The following ZNF516 variants were observed in gnomAD, a reference collection of about 807,000 sequenced individuals.
The protein encoded by ZNF516 is zinc finger protein 516.
A neutral mutation model predicts 79.7 loss-of-function variants in ZNF516; 19 were observed. The ratio of observed to expected loss-of-function variants is 0.24; its 90% CI spans 0.17 to 0.35. The LOEUF (loss-of-function observed/expected upper bound fraction) is 0.35. Among genes scored for constraint, ZNF516 ranks in the 10% least tolerant of loss-of-function variants. The probability of loss-of-function intolerance (pLI) is 1.00; values close to 1 mark genes in which losing one functional copy is unlikely to be tolerated. For missense variants in ZNF516, 1,678 were observed against 1,679.5 expected (o/e 1.00, Z 0.02); for synonymous variants, 877 against 739.5 (o/e 1.19, Z -3.02).
chr18:76,380,384 C>A (rs2074872093), intron 3 of ZNF516, 81 bp from the exon 4 acceptor site: 3 of 1,524,156 alleles, frequency 2.0e-6, no homozygotes, highest in East Asian at 4.6e-5. Context: ...ACAGCTACAG[C>A]ATGTTCCAAG....
At chr18:76,363,022 C>T (rs1286121139) in intron 6 of ZNF516, among the ~76,000 whole-genome samples, 2 of 152,168 alleles carry the variant, frequency 1.3e-5, no homozygotes, top group East Asian at 1.9e-4. Flanking sequence ...AAGAAGAGCA[C>T]GGCTCTCACG....
intron 3 of ZNF516, among the ~76,000 whole-genome samples, chr18:76,413,531 C>T (rs745605031): frequency 1.7e-4 from 26 of 151,986 alleles, no homozygotes; most frequent in Non-Finnish European, 3.5e-4. Context: ...CTTTATATGA[C>T]TATATTAATA....
At chr18:76,436,148 G>A (rs972509814) in intron 3 of ZNF516, among the ~76,000 whole-genome samples, 7 of 152,232 alleles carry the variant, frequency 4.6e-5, no homozygotes, top group African/African-American at 2.4e-5. Context: ...GGATACTAAG[G>A]GGGGCTGGCC....
intron 3 of ZNF516, among the ~76,000 whole-genome samples, chr18:76,384,136 GCACTCCATCTA>G (rs2074939467): frequency 6.6e-6 from 1 of 152,128 alleles, no homozygotes; most frequent in Non-Finnish European, 1.5e-5. Context: ...ATTCTCGTGT[GCACTCCATCTA>G]CTGCACACGC....
intron 2 of ZNF516, among the ~76,000 whole-genome samples, chr18:76,449,284 C>T (rs992114909): frequency 3.9e-5 from 6 of 152,194 alleles, no homozygotes; most frequent in Non-Finnish European, 7.3e-5. Context: ...CCCTGGACCC[C>T]GGTGTCTAGA....
At position 76,379,067 on chromosome 18, in the gene ZNF516, C is replaced by T. The variant is rs1469968216; in HGVS notation, c.3047G>A (p.Cys1016Tyr). Residue 1016 changes from cysteine (C) to tyrosine (Y), a missense_variant, in exon 4 of 7, where the codon TGT becomes TAT. Cys to Tyr is a radical substitution (Grantham distance 194). This residue lies in a region of ZNF516 where 1,294 missense variants were observed against 1,248.3 expected (regional missense o/e 1.04). Transcript: ENST00000443185. ...CGCGTCGCCCCTGGACCCCGCAGCA[C>T]AGGTGGCCAGAGTCCTCAGCTCCTG... ...AAQELRTLATCAAGSRGDAAL... is the reference protein window; with the variant it reads ...AAQELRTLATYAAGSRGDAAL... 1.1e-5 allele frequency: 17 copies of T among 1,610,690 alleles called. No individual in the cohort carries two copies. Among genetic ancestry groups the T allele is most frequent in the Admixed American group, 1.7e-5 (1 of 59,968 alleles).
At chr18:76,455,374 C>T (rs1302342985) in intron 2 of ZNF516, among the ~76,000 whole-genome samples, 1 of 152,236 alleles carries the variant, frequency 6.6e-6, no homozygotes, top group Non-Finnish European at 1.5e-5. Flanking sequence ...CAGCAACACA[C>T]ACAACCCTAG....
At position 76,464,287 on chromosome 18, in the gene ZNF516, G is replaced by A. The variant is rs146008536; in HGVS notation, c.-271-1146C>T. Among the ~76,000 whole-genome samples, 726 of 152,262 alleles carry A rather than the reference G, an allele frequency of 4.8e-3. 13 individuals carry two copies. Among genetic ancestry groups the A allele is most frequent in the African/African-American group, 0.016 (644 of 41,530 alleles). ...CTCGGGAGGCTGAGGTAGAAGAATCGCTTGAACCCAGGAGGTGCAGGTTGC... is the reference window on the plus strand; with the variant it reads ...CTCGGGAGGCTGAGGTAGAAGAATCACTTGAACCCAGGAGGTGCAGGTTGC... On this transcript the variant is annotated intron_variant, in intron 1 of 6. Coordinates refer to ENST00000443185, the MANE Select transcript of ZNF516 (RefSeq NM_014643.4).
In ZNF516 at chr18:76,357,858, G is replaced by A. The variant is rs1386319511; in HGVS notation, c.*4640C>T. On this transcript the variant is annotated 3_prime_UTR_variant, in exon 7 of 7. Coordinates refer to ENST00000443185, the MANE Select transcript of ZNF516 (RefSeq NM_014643.4). Reference sequence around the variant, plus strand: ...GTCCGCGTCCATCCCTGTGCGTCCTGTATGGGTGACAGTGCAAGGGTAAGA... The same window carrying A: ...GTCCGCGTCCATCCCTGTGCGTCCTATATGGGTGACAGTGCAAGGGTAAGA... 2.0e-5 allele frequency among the ~76,000 whole-genome samples: 3 copies of A among 152,100 alleles called. No individual in the cohort carries two copies. Among genetic ancestry groups the A allele is most frequent in the South Asian group, 2.1e-4 (1 of 4,822 alleles).
At chr18:76,392,037 G>A (rs1421424852) in intron 3 of ZNF516, among the ~76,000 whole-genome samples, 3 of 152,326 alleles carry the variant, frequency 2.0e-5, no homozygotes, top group African/African-American at 7.2e-5. Context: ...GGCTTCCGGG[G>A]AGCACACAGC....
intron 5 of ZNF516, 147 bp downstream of exon 5, chr18:76,371,320 C>T (rs1013101327): frequency 5.3e-5 from 40 of 747,724 alleles, no homozygotes; most frequent in African/African-American, 5.3e-4. Context: ...GGCCTGTATA[C>T]GATCCCGGAG....
Position 76,360,646 on chromosome 18 carries a change from A to AAAAAAATAT in ZNF516, c.*1851_*1852insATATTTTTT, listed in dbSNP as rs373540251. On this transcript the variant is annotated 3_prime_UTR_variant, in exon 7 of 7. Coordinates refer to ENST00000443185, the MANE Select transcript of ZNF516 (RefSeq NM_014643.4). ...AAAAAAATAAGTAAAAAAAAAAAAA[A>AAAAAAATAT]ATATATATATATATATATATATATA... 1.2e-3 allele frequency: 85 copies of AAAAAAATAT among 72,430 alleles called. 2 individuals carry two copies. Among genetic ancestry groups the AAAAAAATAT allele is most frequent in the African/African-American group, 2.4e-3 (40 of 16,358 alleles). 4.5% of individuals were successfully genotyped at this position (72,430 alleles called of 1,614,324 possible).
At position 76,492,699 on chromosome 18, in the gene ZNF516, CG is replaced by C. The variant is rs1568337048; in HGVS notation, c.-272+2444del. ...CCAAGGCCAGAGAAACCGCACGTTT[CG>C]AGTCCCCAGTTGCTGAGAAACAATC... On this transcript the variant is annotated intron_variant, in intron 1 of 6. Coordinates refer to ENST00000443185, the MANE Select transcript of ZNF516 (RefSeq NM_014643.4). 23 of 983,690 alleles carry C rather than the reference CG, an allele frequency of 2.3e-5. No homozygotes were observed. The South Asian group carries it at 9.4e-4, about 40-fold the overall frequency. The allele number at this position is 983,690 out of a possible 1,614,324, so 60.9% of individuals were successfully genotyped here.
rs544862762 is a variant in ZNF516, at chr18:76,395,208, C to T, written c.1811-14905G>A. 2.9e-4 allele frequency among the ~76,000 whole-genome samples: 44 copies of T among 152,318 alleles called. 1 individual carries two copies. Among genetic ancestry groups the T allele is most frequent in the Non-Finnish European group, 5.0e-4 (34 of 68,032 alleles). On this transcript the variant is annotated intron_variant, in intron 3 of 6. Coordinates refer to ENST00000443185, the MANE Select transcript of ZNF516 (RefSeq NM_014643.4). The stretch of plus-strand genomic sequence containing the variant: ...AACCCAGCAGAGTGGGTTTCCCACA[C>T]AGGCACTCCTGCTGCCGCAGGGCCT...
intron 1 of ZNF516, among the ~76,000 whole-genome samples, chr18:76,473,801 CAAA>C (rs879452949): frequency 9.8e-6 from 1 of 101,568 alleles, no homozygotes. Flanking sequence ...ACTCCATCTC[CAAA>C]AAAAAAAAAA....
At chr18:76,421,311 G>T (rs893922425) in intron 3 of ZNF516, among the ~76,000 whole-genome samples, 1 of 152,232 alleles carries the variant, frequency 6.6e-6, no homozygotes, top group African/African-American at 2.4e-5. Flanking sequence ...GAGGCTCCGA[G>T]GCTGCTGTCC....
chr18:76,466,255 G>A (rs1380597100), intron 1 of ZNF516, among the ~76,000 whole-genome samples: 3 of 152,162 alleles, frequency 2.0e-5, no homozygotes, highest in Admixed American at 6.5e-5. Context: ...CCACCCGGGC[G>A]GCCACCTCGC....
chr18:76,453,940 C>T (rs905105589), intron 2 of ZNF516, among the ~76,000 whole-genome samples: 1 of 152,172 alleles, frequency 6.6e-6, no homozygotes, highest in Non-Finnish European at 1.5e-5. Context: ...ACACACAGTC[C>T]TATTTTCCAA....
chr18:76,444,514 C>T (rs961415386), intron 2 of ZNF516, among the ~76,000 whole-genome samples: 6 of 152,228 alleles, frequency 3.9e-5, no homozygotes, highest in African/African-American at 1.4e-4. Flanking sequence ...CTCCATATTT[C>T]CGGCTGGGAA....
Sources: gnomAD v4.1 joint callset for allele counts (sites outside exome capture counted in the v4.1 genomes callset) on GRCh38, gnomAD v4.1.1 for gene constraint, gnomAD v4.1.1 regional missense constraint, MANE v1.5 for transcripts, NCBI Gene and HGNC (gene_info 2026-07-23, HGNC 2026-07-21) for gene names.